The following ZRANB3 variants were observed in gnomAD, a reference collection of about 807,000 sequenced individuals.
ZRANB3 encodes the protein DNA annealing helicase and endonuclease ZRANB3.
In ZRANB3, 125 loss-of-function variants were observed where a neutral mutation model predicts 133.8. The ratio of observed to expected loss-of-function variants is 0.93; its 90% CI spans 0.81 to 1.08. ZRANB3 has a LOEUF of 1.08. Ranked by LOEUF, ZRANB3 falls within the 50% of genes least tolerant of loss-of-function variation. ZRANB3 has a pLI of 0.00. For missense variants in ZRANB3, 1,229 were observed against 1,275.5 expected (o/e 0.96, Z 0.56); for synonymous variants, 387 against 432.7 (o/e 0.89, Z 1.31).
In ZRANB3 at chr2:135,227,999, G is replaced by A. The variant is rs796691737; in HGVS notation, c.1971C>T (p.Ser657=). Reference sequence around the variant, plus strand: ...CGTTTTTATCCTGGATATGGTTGAGGCTATCTATTTGCATAACTATTAAAA... The same window carrying A: ...CGTTTTTATCCTGGATATGGTTGAGACTATCTATTTGCATAACTATTAAAA... The part of the protein sequence containing the change: ...PQGSAVMQID[S]LNHIQDKNEK... Residue 657 remains serine (S), a synonymous_variant, in exon 14 of 21, where the codon AGC becomes AGT. Transcript: ENST00000264159. The A allele has an allele frequency of 1.0e-5, 16 of 1,544,490 alleles. 1 individual carries two copies. In the African/African-American group the frequency reaches 2.2e-4, roughly 21 times the overall value.
intron 2 of ZRANB3, among the ~76,000 whole-genome samples, chr2:135,487,772 T>C (rs1408874278): frequency 2.0e-5 from 3 of 152,208 alleles, no homozygotes; most frequent in Non-Finnish European, 4.4e-5. Flanking sequence ...TACGGGAATG[T>C]TGTGACTGGT....
intron 6 of ZRANB3, among the ~76,000 whole-genome samples, chr2:135,344,620 T>C (rs1340105644): frequency 1.3e-5 from 2 of 151,906 alleles, no homozygotes; most frequent in African/African-American, 4.8e-5. Context: ...GCCTGTAATC[T>C]CAGCTACTCA....
intron 1 of ZRANB3, among the ~76,000 whole-genome samples, chr2:135,521,515 A>G (rs189173753): frequency 1.9e-4 from 29 of 152,252 alleles, no homozygotes; most frequent in African/African-American, 5.8e-4. Context: ...CTGGGCAAAA[A>G]AGAGCAAACT....
intron 2 of ZRANB3, among the ~76,000 whole-genome samples, chr2:135,460,111 G>A (rs996011959): frequency 3.3e-5 from 5 of 152,080 alleles, no homozygotes; most frequent in African/African-American, 4.8e-5. Flanking sequence ...CAGGATGTGC[G>A]AAATTTTTAA....
intron 2 of ZRANB3, among the ~76,000 whole-genome samples, chr2:135,496,275 T>C (rs151045802): frequency 3.3e-5 from 5 of 150,424 alleles, no homozygotes; most frequent in African/African-American, 9.8e-5. Context: ...TCCCAGCTAC[T>C]CGGAAGGCTG....
chr2:135,389,032 C>T (rs1050478859), intron 3 of ZRANB3, among the ~76,000 whole-genome samples: 12 of 152,116 alleles, frequency 7.9e-5, no homozygotes, highest in Admixed American at 6.5e-5. Context: ...GAGTCGAGAT[C>T]GTGCCACTGC....
intron 12 of ZRANB3, among the ~76,000 whole-genome samples, chr2:135,239,028 C>A (rs1333519437): frequency 6.6e-6 from 1 of 152,122 alleles, no homozygotes; most frequent in Non-Finnish European, 1.5e-5. Context: ...AGAAATAATA[C>A]AAGGCTATTG....
chr2:135,489,700 C>T (rs1459480198), intron 2 of ZRANB3, among the ~76,000 whole-genome samples: 2 of 150,640 alleles, frequency 1.3e-5, no homozygotes, highest in African/African-American at 2.4e-5. Flanking sequence ...AGAACAGGTA[C>T]TACTAAAATA....
At chr2:135,239,574 G>A (rs906177834) in intron 12 of ZRANB3, among the ~76,000 whole-genome samples, 6 of 152,082 alleles carry the variant, frequency 3.9e-5, no homozygotes, top group South Asian at 2.1e-4. Flanking sequence ...TAATTTATAC[G>A]TTCTCAAATA....
At chr2:135,209,240 G>A (rs1311889129) in intron 17 of ZRANB3, among the ~76,000 whole-genome samples, 1 of 152,128 alleles carries the variant, frequency 6.6e-6, no homozygotes, top group Non-Finnish European at 1.5e-5. Context: ...ATCCTTTGGA[G>A]CAATTTTCAT....
chr2:135,525,977 G>T (rs1437466484), intron 1 of ZRANB3, among the ~76,000 whole-genome samples: 1 of 151,988 alleles, frequency 6.6e-6, no homozygotes, highest in South Asian at 2.1e-4. Flanking sequence ...CTTACATGAG[G>T]TATCTAAAGT....
intron 8 of ZRANB3, among the ~76,000 whole-genome samples, chr2:135,281,570 T>C (rs915173290): frequency 2.0e-5 from 3 of 152,144 alleles, no homozygotes. Context: ...ATATCTGATA[T>C]CCCGGAATGC....
At chr2:135,503,336 C>A (rs1239682886) in intron 2 of ZRANB3, among the ~76,000 whole-genome samples, 1 of 152,134 alleles carries the variant, frequency 6.6e-6, no homozygotes, top group African/African-American at 2.4e-5. Context: ...TAGATAAATA[C>A]GTGATAGACC....
intron 12 of ZRANB3, among the ~76,000 whole-genome samples, chr2:135,236,367 G>A (rs1424414021): frequency 6.6e-6 from 1 of 151,946 alleles, no homozygotes; most frequent in African/African-American, 2.4e-5. Flanking sequence ...TACTGCCCAA[G>A]GTAATTTATA....
chr2:135,347,453 C>T (rs1365437302), intron 5 of ZRANB3, among the ~76,000 whole-genome samples: 4 of 152,122 alleles, frequency 2.6e-5, no homozygotes, highest in Admixed American at 6.5e-5. Context: ...CCACCGCGCC[C>T]GGCTAATTTT....
chr2:135,467,004 A>G (rs187928209), intron 2 of ZRANB3, among the ~76,000 whole-genome samples: 84 of 152,274 alleles, frequency 5.5e-4, no homozygotes, highest in African/African-American at 7.7e-4. Context: ...AAGCACTTAG[A>G]AAAAAGGTTA....
intron 8 of ZRANB3, among the ~76,000 whole-genome samples, chr2:135,278,038 A>C (rs1202718328): frequency 6.6e-6 from 1 of 152,146 alleles, no homozygotes; most frequent in Non-Finnish European, 1.5e-5. Context: ...GAAAACAAAC[A>C]GAGAAAACTA....
At chr2:135,411,579 C>T (rs1005195548) in intron 2 of ZRANB3, among the ~76,000 whole-genome samples, 2 of 152,032 alleles carry the variant, frequency 1.3e-5, no homozygotes, top group South Asian at 4.2e-4. Context: ...TGGAATATTA[C>T]CACAAAAAAG....
chr2:135,212,226 T>A (rs1471286170), intron 17 of ZRANB3, among the ~76,000 whole-genome samples: 1 of 152,212 alleles, frequency 6.6e-6, no homozygotes, highest in Non-Finnish European at 1.5e-5. Flanking sequence ...GTAAATTGTT[T>A]TAGAGTTCTT....
Sources: allele counts gnomAD v4.1 joint callset (sites outside exome capture counted in the v4.1 genomes callset), GRCh38; gene constraint gnomAD v4.1.1; transcripts MANE v1.5; gene names NCBI Gene and HGNC (gene_info 2026-07-23, HGNC 2026-07-21).